Variants in RAP1A observed in about 807,000 individuals in gnomAD.
RAP1A encodes the protein ras-related protein Rap-1A.
In RAP1A, 6 loss-of-function variants were observed where a neutral mutation model predicts 26.4. The ratio of observed to expected loss-of-function variants is 0.23; its 90% confidence interval spans 0.12 to 0.45. The LOEUF (loss-of-function observed/expected upper bound fraction) is 0.45. Among genes scored for constraint, RAP1A ranks in the 20% least tolerant of loss-of-function variants. The pLI is 0.99. For synonymous variants in RAP1A, 73 were observed against 79.4 expected (o/e 0.92, Z 0.43); for missense variants, 121 against 217.2 (o/e 0.56, Z 2.78).
At chr1:111,635,351 A>G (rs1659696414) in intron 1 of RAP1A, among the ~76,000 whole-genome samples, 1 of 152,174 alleles carries the variant, frequency 6.6e-6, no homozygotes, top group Non-Finnish European at 1.5e-5. Flanking sequence ...ATATTTGGTC[A>G]TTTGTATTTG....
chr1:111,709,757 A>G (rs536552777), intron 7 of RAP1A, among the ~76,000 whole-genome samples: 52 of 152,324 alleles, frequency 3.4e-4, no homozygotes, highest in African/African-American at 1.1e-3. Context: ...CTTTACATAA[A>G]CAAAAACGTA....
intron 1 of RAP1A, among the ~76,000 whole-genome samples, chr1:111,597,329 T>A (rs1658580893): frequency 6.6e-6 from 1 of 152,224 alleles, no homozygotes; most frequent in African/African-American, 2.4e-5. Context: ...GTTTATAGGA[T>A]CCTGCTTGTT....
intron 1 of RAP1A, among the ~76,000 whole-genome samples, chr1:111,688,299 GTA>G (rs1553226257): frequency 7.1e-6 from 1 of 140,704 alleles, no homozygotes; most frequent in African/African-American, 2.7e-5. Flanking sequence ...GTGTGTGTGT[GTA>G]TATATATTTT....
At chr1:111,638,399 A>G (rs563731912) in intron 1 of RAP1A, among the ~76,000 whole-genome samples, 1 of 151,948 alleles carries the variant, frequency 6.6e-6, no homozygotes, top group South Asian at 2.1e-4. Flanking sequence ...AGTACTTTAT[A>G]TGTGCTGGTC....
chr1:111,565,462 T>A (rs918647966), intron 1 of RAP1A, among the ~76,000 whole-genome samples: 3 of 152,162 alleles, frequency 2.0e-5, no homozygotes, highest in African/African-American at 7.2e-5. Context: ...TATCACAGTG[T>A]AACTGGTACT....
rs539302026 is a variant in RAP1A, at chr1:111,626,643, C to T, written c.-28+6709C>T. 2.0e-5 allele frequency among the ~76,000 whole-genome samples: 3 copies of T among 152,178 alleles called. No homozygotes were observed. In the South Asian group the frequency reaches 6.2e-4, roughly 32 times the overall value. On this transcript the variant is annotated intron_variant, in intron 1 of 7. Transcript: ENST00000369709. ...AGCTTGACAGTTTTATTTTCAAGAT[C>T]CTCTTCTCTCCCGACCTAATTAATT...
intron 6 of RAP1A, among the ~76,000 whole-genome samples, chr1:111,708,783 A>G (rs1417932755): frequency 3.3e-5 from 5 of 152,252 alleles, no homozygotes; most frequent in East Asian, 1.9e-4. Context: ...GTGTGTGTGT[A>G]TGTATGTGTA....
intron 1 of RAP1A, among the ~76,000 whole-genome samples, chr1:111,589,968 C>A (rs1034687819): frequency 2.0e-5 from 3 of 152,050 alleles, no homozygotes; most frequent in African/African-American, 7.2e-5. Context: ...TGAGGTTTTG[C>A]CATGTTGCGC....
chr1:111,544,801 A>G (rs1656977866), intron 1 of RAP1A, among the ~76,000 whole-genome samples: 4 of 145,980 alleles, frequency 2.7e-5, no homozygotes, highest in South Asian at 2.3e-4. Context: ...GGTATATCCA[A>G]TTTGGTACAT....
intron 1 of RAP1A, among the ~76,000 whole-genome samples, chr1:111,689,885 C>T (rs1358514071): frequency 2.0e-5 from 3 of 152,118 alleles, no homozygotes; most frequent in African/African-American, 7.2e-5. Flanking sequence ...ACCATGGTAG[C>T]CAGGATGGTC....
At chr1:111,626,237 C>A (rs989463021) in intron 1 of RAP1A, among the ~76,000 whole-genome samples, 2 of 152,122 alleles carry the variant, frequency 1.3e-5, no homozygotes, top group African/African-American at 4.8e-5. Context: ...TTTCTAACAG[C>A]TTATGAGTAT....
intron 1 of RAP1A, chr1:111,649,174 C>T (rs1371112918): frequency 1.3e-5 from 7 of 539,100 alleles, no homozygotes; most frequent in African/African-American, 3.8e-5. Flanking sequence ...TGAGCTCTCA[C>T]GTCCTCGATG....
intron 1 of RAP1A, among the ~76,000 whole-genome samples, chr1:111,658,535 T>G (rs950042276): frequency 6.6e-6 from 1 of 152,314 alleles, no homozygotes; most frequent in African/African-American, 2.4e-5. Context: ...TTTTTAAAAT[T>G]TTTTACTTTT....
chr1:111,656,460 C>T (rs1395024636), intron 1 of RAP1A, among the ~76,000 whole-genome samples: 2 of 152,146 alleles, frequency 1.3e-5, no homozygotes, highest in Non-Finnish European at 2.9e-5. Flanking sequence ...TTTTTCTATT[C>T]CTCCTTAAAG....
chr1:111,684,809 C>G (rs912703638), intron 1 of RAP1A, among the ~76,000 whole-genome samples: 2 of 152,092 alleles, frequency 1.3e-5, no homozygotes, highest in African/African-American at 4.8e-5. Flanking sequence ...AACCAAAAAA[C>G]AGCCCATATA....
chr1:111,557,892 TAGAAG>T (rs1657568156), intron 1 of RAP1A, among the ~76,000 whole-genome samples: 1 of 152,166 alleles, frequency 6.6e-6, no homozygotes, highest in African/African-American at 2.4e-5. Flanking sequence ...CTTAAATTGT[TAGAAG>T]AGAAATGTAT....
At chr1:111,626,398 C>T (rs1402142383) in intron 1 of RAP1A, among the ~76,000 whole-genome samples, 1 of 142,644 alleles carries the variant, frequency 7.0e-6, no homozygotes, top group African/African-American at 2.7e-5. Flanking sequence ...CACACACACA[C>T]ACATATGCAT....
At chr1:111,674,855 G>A (rs1571550496) in intron 1 of RAP1A, among the ~76,000 whole-genome samples, 1 of 152,066 alleles carries the variant, frequency 6.6e-6, no homozygotes, top group Non-Finnish European at 1.5e-5. Flanking sequence ...TCGAGTTACT[G>A]CAGTAGCTTC....
Position 111,703,551 on chromosome 1 carries a change from TTAG to T in RAP1A, c.324+79_324+81del, listed in dbSNP as rs1476855573. On this transcript the variant is annotated intron_variant, in intron 5 of 7. Transcript: ENST00000369709. The stretch of plus-strand genomic sequence containing the variant: ...AATAAAAAAGTGCCTGTTTTCTCTA[TTAG>T]TAGAGGATTTGGAAGCTATCTACCA... 5 of 1,311,434 alleles carry T rather than the reference TTAG, an allele frequency of 3.8e-6. No individual in the cohort carries two copies. The South Asian group carries it at 6.0e-5, about 16-fold the overall frequency. The allele number at this position is 1,311,434 out of a possible 1,614,324, so 81.2% of individuals were successfully genotyped here.
Sources: allele counts gnomAD v4.1 joint callset (sites outside exome capture counted in the v4.1 genomes callset), GRCh38; gene constraint gnomAD v4.1.1; transcripts MANE v1.5; gene names NCBI Gene and HGNC (gene_info 2026-07-23, HGNC 2026-07-21).